The following NLRP14 variants were observed in gnomAD, a reference collection of about 807,000 sequenced individuals.
NLRP14 encodes the protein NACHT, LRR and PYD domains-containing protein 14.
Under a neutral mutation model 94.7 loss-of-function variants are expected in NLRP14, and 105 were observed. The ratio of observed to expected loss-of-function variants is 1.11; its 90% CI spans 0.95 to 1.30. The LOEUF (loss-of-function observed/expected upper bound fraction) is 1.30. NLRP14 is among the 50% of genes most tolerant of loss of function. NLRP14 has a pLI of 0.00. For synonymous variants in NLRP14, 508 were observed against 459.9 expected, an observed-to-expected ratio of 1.10 and a Z score of -1.34; for missense variants, 1,362 against 1,254.1, an observed-to-expected ratio of 1.09 and a Z score of -1.30.
downstream of NLRP14, among the ~76,000 whole-genome samples, chr11:7,073,221 C>T (rs1447882825): frequency 6.6e-6 from 1 of 152,190 alleles, no homozygotes; most frequent in South Asian, 2.1e-4. Flanking sequence ...CAGGCCAGCT[C>T]AGATTCTGGG....
chr11:7,038,458 G>T (rs1274457844), intron 1 of NLRP14, 108 bp from the exon 2 acceptor site: 1 of 925,086 alleles, frequency 1.1e-6, no homozygotes, highest in African/African-American at 1.7e-5. Flanking sequence ...GTGGGCTTCT[G>T]CAAATGTTTG....
intron 3 of NLRP14, among the ~76,000 whole-genome samples, chr11:7,041,980 G>C (rs1156455933): frequency 6.8e-6 from 1 of 146,070 alleles, no homozygotes; most frequent in Non-Finnish European, 1.5e-5. Flanking sequence ...ATTCAGGTCT[G>C]TCTTGGGGGT....
chr11:7,058,480 A>T, intron 8 of NLRP14, 30 bp downstream of exon 8: 1 of 1,502,958 alleles, frequency 6.7e-7, no homozygotes, highest in Non-Finnish European at 9.3e-7. Context: ...TATCCTTAAT[A>T]TATATTGTAC....
At chr11:7,055,476 G>A (rs1852504219) in intron 6 of NLRP14, among the ~76,000 whole-genome samples, 1 of 152,116 alleles carries the variant, frequency 6.6e-6, no homozygotes, top group Non-Finnish European at 1.5e-5. Context: ...GACATTTTCA[G>A]AAGGGAAAAA....
At chr11:7,057,267 C>T (rs1852529490) in intron 6 of NLRP14, among the ~76,000 whole-genome samples, 2 of 151,948 alleles carry the variant, frequency 1.3e-5, no homozygotes, top group South Asian at 2.1e-4. Context: ...AATGAGCTCA[C>T]GGGAGACACA....
intron 1 of NLRP14, among the ~76,000 whole-genome samples, chr11:7,024,613 C>T (rs1053512310): frequency 2.4e-4 from 37 of 152,156 alleles, no homozygotes; most frequent in Non-Finnish European, 4.9e-4. Flanking sequence ...TCCTTTCTTA[C>T]CCCTGCTGCT....
the NLRP14 span, chr11:7,090,558 C>T: frequency 3.8e-6 from 2 of 521,130 alleles, no homozygotes; most frequent in Non-Finnish European, 7.1e-6. Flanking sequence ...AGTCTTCTTA[C>T]ATTTACAAGT....
the NLRP14 span, among the ~76,000 whole-genome samples, chr11:7,085,463 G>A: frequency 1.6e-4 from 24 of 152,126 alleles, no homozygotes; most frequent in Non-Finnish European, 3.2e-4. Context: ...CCTCATATAA[G>A]TAAAATCATA....
chr11:7,028,001 C>T (rs1294562821), intron 1 of NLRP14, among the ~76,000 whole-genome samples: 1 of 152,124 alleles, frequency 6.6e-6, no homozygotes, highest in Non-Finnish European at 1.5e-5. Context: ...CTCTCTGTGA[C>T]TTCTAAACAG....
the NLRP14 span, among the ~76,000 whole-genome samples, chr11:7,077,407 C>G: frequency 5.3e-5 from 8 of 152,256 alleles, no homozygotes; most frequent in Non-Finnish European, 8.8e-5. Context: ...AGGTCCCAAT[C>G]TCTGAAGCCA....
chr11:7,083,002 G>T, the NLRP14 span, among the ~76,000 whole-genome samples: 1 of 152,250 alleles, frequency 6.6e-6, no homozygotes, highest in Non-Finnish European at 1.5e-5. Context: ...AGCACTTGCA[G>T]TTGCAGCCTT....
rs375862061 is a variant in NLRP14 at position 7,062,394 on chromosome 11, A to T, written c.2866A>T (p.Asn956Tyr). 46 of 1,613,044 alleles carry T rather than the reference A, an allele frequency of 2.9e-5. No homozygotes were observed. Among genetic ancestry groups the T allele is most frequent in the Non-Finnish European group, 3.8e-5 (45 of 1,179,338 alleles). ...CLDLASVILN[N>Y]PNLRSLDLGN... Reference sequence around the variant, plus strand: ...GGATCTGGCTTCTGTTATTTTGAATAACCCAAACCTGAGGAGCCTGGACCT... The same window carrying T: ...GGATCTGGCTTCTGTTATTTTGAATTACCCAAACCTGAGGAGCCTGGACCT... Residue 956 changes from asparagine (N) to tyrosine (Y), a missense_variant, in exon 10 of 12, where the codon AAC becomes TAC. Asn to Tyr is a moderately radical substitution (Grantham distance 143). Coordinates refer to ENST00000299481, the MANE Select transcript of NLRP14 (RefSeq NM_176822.4).
intron 10 of NLRP14, 143 bp from the exon 11 acceptor site, chr11:7,070,143 T>G (rs1198014795): frequency 1.5e-6 from 1 of 664,106 alleles, no homozygotes; most frequent in African/African-American, 1.8e-5. Context: ...TTATAGGTAC[T>G]TATAGTCCTT....
At chr11:7,063,821 A>C (rs1053492111) in intron 10 of NLRP14, among the ~76,000 whole-genome samples, 10 of 152,094 alleles carry the variant, frequency 6.6e-5, no homozygotes, top group Non-Finnish European at 1.5e-4. Flanking sequence ...GGTCTGACTC[A>C]GTCAACTGAG....
chr11:7,090,578 A>AT, the NLRP14 span: 1 of 474,368 alleles, frequency 2.1e-6, no homozygotes. Context: ...TAGAAATTCG[A>AT]TTAATGGCTT....
At position 7,042,425 on chromosome 11, in the gene NLRP14, A is replaced by T; in HGVS notation, c.399A>T (p.Lys133Asn). ...AATACAGAAATAGAATAAAGGAAAAATTTTGCATCACTTGGGACAAGAAGT... is the reference window on the plus strand; with the variant it reads ...AATACAGAAATAGAATAAAGGAAAATTTTTGCATCACTTGGGACAAGAAGT... ...GTEYRNRIKE[K>N]FCITWDKKSL... Residue 133 changes from lysine (K) to asparagine (N), a missense_variant, in exon 4 of 12, where the codon AAA (lysine) becomes AAT (asparagine). Lys to Asn is a moderately conservative substitution (Grantham distance 94). Coordinates refer to ENST00000299481, the MANE Select transcript of NLRP14 (RefSeq NM_176822.4). 6.2e-7 allele frequency: 1 copy of T among 1,614,038 alleles called. No individual in the cohort carries two copies. The highest frequency in any genetic ancestry group is 1.7e-5 in the Admixed American group (1 of 60,016).
the NLRP14 span, among the ~76,000 whole-genome samples, chr11:7,080,636 C>G: frequency 6.6e-6 from 1 of 152,184 alleles, no homozygotes; most frequent in African/African-American, 2.4e-5. Context: ...AGCCACTCCA[C>G]AAGTCAGTCA....
At chr11:7,074,631 A>G (rs1852850983), downstream of NLRP14, among the ~76,000 whole-genome samples, 1 of 152,212 alleles carries the variant, frequency 6.6e-6, no homozygotes, top group Non-Finnish European at 1.5e-5. Flanking sequence ...TTTCTAATTC[A>G]TTTTTTAAAG....
the NLRP14 span, among the ~76,000 whole-genome samples, chr11:7,081,056 G>T: frequency 5.3e-5 from 8 of 152,130 alleles, no homozygotes; most frequent in African/African-American, 1.9e-4. Flanking sequence ...CATCTTCCTG[G>T]CCGGAGGGGT....
Sources: allele counts gnomAD v4.1 joint callset (sites outside exome capture counted in the v4.1 genomes callset), GRCh38; gene constraint gnomAD v4.1.1; transcripts MANE v1.5; gene names NCBI Gene and HGNC (gene_info 2026-07-23, HGNC 2026-07-21).